The following DNAH3 variants were observed in gnomAD, a reference collection of about 807,000 sequenced individuals.
The protein encoded by DNAH3 is axonemal beta dynein heavy chain 3.
DNAH3 carries 332 observed loss-of-function variants against 432.5 expected under a neutral mutation model. The observed-to-expected ratio is 0.77, with a 90% CI of 0.70 to 0.84. The LOEUF (loss-of-function observed/expected upper bound fraction) is 0.84. Among genes scored for constraint, DNAH3 ranks in the 40% least tolerant of loss-of-function variants. The pLI, the probability that DNAH3 is intolerant of heterozygous loss-of-function variation, is 0.00. For missense variants in DNAH3, 4,861 were observed against 5,114.0 expected (o/e 0.95, Z 1.51); for synonymous variants, 1,956 against 1,900.2 (o/e 1.03, Z -0.76).
chr16:20,983,323 A>G (rs1407302415), intron 48 of DNAH3, among the ~76,000 whole-genome samples: 1 of 151,872 alleles, frequency 6.6e-6, no homozygotes, highest in Non-Finnish European at 1.5e-5. Context: ...ACGGGGTTTC[A>G]CCATTTTGGC....
chr16:20,988,629 G>A (rs570745722), intron 44 of DNAH3, among the ~76,000 whole-genome samples: 2 of 152,284 alleles, frequency 1.3e-5, no homozygotes, highest in South Asian at 2.1e-4. Context: ...AAAAGATAAA[G>A]GCAATACATG....
chr16:21,046,167 G>A (rs1180828699), intron 31 of DNAH3, among the ~76,000 whole-genome samples: 1 of 135,210 alleles, frequency 7.4e-6, no homozygotes, highest in African/African-American at 2.8e-5. Context: ...TTGGGGTGGA[G>A]AGTTCTGTAG....
intron 40 of DNAH3, 139 bp downstream of exon 40, chr16:21,021,832 G>A (rs1388769943): frequency 2.2e-5 from 21 of 937,574 alleles, no homozygotes; most frequent in Non-Finnish European, 2.5e-5. Flanking sequence ...GAACCTGGGA[G>A]GCTGAGGCTG....
chr16:21,106,641 T>C (rs1216455102), exon 15 of DNAH3: 1 of 1,604,524 alleles, frequency 6.2e-7, no homozygotes, highest in Non-Finnish European at 8.5e-7. Context: ...CCTCACTGAC[T>C]TTGTCTGCGA....
At chr16:20,985,863 CGTTTT>C (rs1567585736) in intron 47 of DNAH3, 148 bp from the exon 48 acceptor site, 6 of 863,952 alleles carry the variant, frequency 6.9e-6, no homozygotes, top group East Asian at 2.6e-5. Context: ...TGTTTTGTTT[CGTTTT>C]GTTTTGAGAC....
rs147363105 is a variant in DNAH3 at position 20,964,308 on chromosome 16, G to C, written c.9576C>G (p.Leu3192=). The change falls in exon 53 of 62, where the codon CTC becomes CTG. Residue 3192 remains leucine, a synonymous_variant. Transcript: ENST00000261383. ...GACCCAAGGGGGTGATCATGAAGTT[G>C]AGGAGACAGACCTTCACGGCAACTT... 1,504 of 1,614,204 alleles carry C rather than the reference G, an allele frequency of 9.3e-4. 1 individual carries two copies. Among genetic ancestry groups the C allele is most frequent in the Non-Finnish European group, 1.2e-3 (1,401 of 1,180,034 alleles).
chr16:21,070,775 GATC>G, exon 22 of DNAH3: 1 of 1,613,460 alleles, frequency 6.2e-7, no homozygotes, highest in Non-Finnish European at 8.5e-7. Context: ...TTTATCACGT[GATC>G]ATCAAGTAGC....
intron 35 of DNAH3, among the ~76,000 whole-genome samples, chr16:21,034,385 C>G (rs1207804689): frequency 6.6e-6 from 1 of 152,154 alleles, no homozygotes; most frequent in African/African-American, 2.4e-5. Context: ...CATTGACCAC[C>G]TTTTACAAAG....
intron 1 of DNAH3, among the ~76,000 whole-genome samples, chr16:21,153,903 A>G (rs927459459): frequency 6.6e-6 from 1 of 152,184 alleles, no homozygotes; most frequent in African/African-American, 2.4e-5. Context: ...CATCCTTTCA[A>G]AATAACCCTG....
rs552586123 is a variant in DNAH3 at position 20,988,541 on chromosome 16, A to C, written c.6602-476T>G. Among the ~76,000 whole-genome samples, 17 of 152,304 alleles carry C rather than the reference A, an allele frequency of 1.1e-4. 1 individual carries two copies. The South Asian group carries it at 3.5e-3, about 32-fold the overall frequency. On this transcript the variant is annotated intron_variant, in intron 44 of 61. Transcript: ENST00000261383. The stretch of plus-strand genomic sequence containing the variant: ...GAGATTCTCCAGCCTCAGCCTCCAG[A>C]GTAGCTGGGACTACAGGCCTCCCAG...
intron 41 of DNAH3, among the ~76,000 whole-genome samples, chr16:21,018,729 T>C (rs137943846): frequency 6.6e-6 from 1 of 151,988 alleles, no homozygotes; most frequent in Non-Finnish European, 1.5e-5. Flanking sequence ...ACCCCATCTC[T>C]ACTAAAAATA....
chr16:21,082,600 C>T (rs143161417), intron 19 of DNAH3, among the ~76,000 whole-genome samples: 7,274 of 152,068 alleles, frequency 0.048, 274 homozygotes, highest in Non-Finnish European at 0.074. Flanking sequence ...GAGGCTGAGG[C>T]GGGCGGATCA....
At chr16:20,996,470 T>A (rs930847614) in intron 44 of DNAH3, among the ~76,000 whole-genome samples, 22 of 152,118 alleles carry the variant, frequency 1.4e-4, no homozygotes, top group Non-Finnish European at 2.5e-4. Context: ...TCCTTAACTT[T>A]TTTTTTTGAG....
chr16:20,990,016 G>A (rs1435857010), intron 44 of DNAH3, among the ~76,000 whole-genome samples: 1 of 152,220 alleles, frequency 6.6e-6, no homozygotes, highest in Non-Finnish European at 1.5e-5. Context: ...TCCCACTCGC[G>A]CCTCTCCCTC....
intron 1 of DNAH3, among the ~76,000 whole-genome samples, chr16:21,151,208 CAAT>C (rs748182211): frequency 1.3e-5 from 2 of 152,036 alleles, no homozygotes; most frequent in Non-Finnish European, 2.9e-5. Flanking sequence ...TGTAAAATGG[CAAT>C]AATGTGAGTC....
intron 14 of DNAH3, among the ~76,000 whole-genome samples, chr16:21,109,827 T>C (rs1185952395): frequency 1.3e-5 from 2 of 151,936 alleles, no homozygotes; most frequent in African/African-American, 4.8e-5. Context: ...CAGCCTCGAC[T>C]TCTGGGGCTC....
intron 21 of DNAH3, 110 bp downstream of exon 21, chr16:21,075,337 G>T (rs1468652736): frequency 3.7e-6 from 3 of 804,302 alleles, no homozygotes; most frequent in African/African-American, 3.4e-5. Flanking sequence ...AGACATGAGC[G>T]ATTATTTCTC....
chr16:20,988,062 C>A lies in DNAH3; in HGVS notation c.6605G>T (p.Arg2202Leu). The A allele has an allele frequency of 6.8e-6, 11 of 1,613,956 alleles. No homozygotes were observed. The highest frequency in any genetic ancestry group is 9.3e-6 in the Non-Finnish European group (11 of 1,180,006). The change falls in exon 45 of 62, where the codon CGA (arginine) becomes CTA (leucine). Residue 2202 changes from arginine to leucine, a missense_variant. Arg to Leu is a moderately radical substitution (Grantham distance 102, BLOSUM62 -2). Transcript: ENST00000261383. ...AATGATATTCAGATGGCGAGTGAAT[C>A]GTCCTGGGGAATACAACACACAAGT...
At chr16:21,010,178 C>T (rs2087524165) in intron 41 of DNAH3, among the ~76,000 whole-genome samples, 1 of 152,096 alleles carries the variant, frequency 6.6e-6, no homozygotes, top group Non-Finnish European at 1.5e-5. Flanking sequence ...TTAGCTCTAG[C>T]TCTTCTTGGT....
Sources: gnomAD v4.1 joint callset for allele counts (sites outside exome capture counted in the v4.1 genomes callset) on GRCh38, gnomAD v4.1.1 for gene constraint, MANE v1.5 for transcripts, NCBI Gene and HGNC (gene_info 2026-07-23, HGNC 2026-07-21) for gene names.